JMJD6: variants seen among roughly 807,000 people sequenced by gnomAD.
JMJD6 encodes jumonji domain containing 6, arginine demethylase and lysine hydroxylase.
Under a neutral mutation model 45.8 loss-of-function variants are expected in JMJD6, and 17 were observed. That is an observed-to-expected ratio of 0.37 (90% confidence interval 0.25 to 0.56). The LOEUF (loss-of-function observed/expected upper bound fraction) is 0.56. JMJD6 is among the 20% of genes least tolerant of loss of function. The probability of loss-of-function intolerance (pLI) is 0.79; values close to 1 mark genes in which losing one functional copy is unlikely to be tolerated. For missense variants in JMJD6, 470 were observed against 517.5 expected (o/e 0.91, Z 0.89); for synonymous variants, 221 against 196.3 (o/e 1.13, Z -1.05).
Position 76,726,550 on chromosome 17 carries a change from G to A in JMJD6, c.-75C>T. 2.0e-6 allele frequency: 3 copies of A among 1,500,690 alleles called. No individual in the cohort carries two copies. The highest frequency in any genetic ancestry group is 2.5e-5 in the East Asian group (1 of 39,744). The allele number at this position is 1,500,690 out of a possible 1,614,324, so 93.0% of individuals were successfully genotyped here. On this transcript the variant is annotated 5_prime_UTR_variant, in exon 1 of 6. Transcript: ENST00000397625. ...CCTGACACTAACGCACCCCTCCCCG[G>A]CCTGGGCGGCGGCGACGGCAGTACC...
At chr17:76,721,617 C>T (rs1053119746) in intron 4 of JMJD6, among the ~76,000 whole-genome samples, 181 bp downstream of exon 4, 8 of 152,132 alleles carry the variant, frequency 5.3e-5, no homozygotes, top group Non-Finnish European at 1.2e-4. Flanking sequence ...TCGAGGCTGG[C>T]GAACACCCTG....
chr17:76,717,473 A>C (rs2143717576), downstream of JMJD6, among the ~76,000 whole-genome samples: 1 of 152,352 alleles, frequency 6.6e-6, no homozygotes, highest in Middle Eastern at 3.4e-3. Flanking sequence ...TGAGCCTGTT[A>C]CATGCCCAGG....
rs1385063691 is a variant in JMJD6 at position 76,724,026 on chromosome 17, G to C, written c.551C>G (p.Thr184Ser). Residue 184 changes from threonine to serine, a missense_variant, in exon 3 of 6, where the codon ACT becomes AGT. By Grantham distance (58) the Thr-to-Ser change is moderately conservative (BLOSUM62 1). This residue lies in a region of JMJD6 where 346 missense variants were observed against 339.5 expected (regional missense o/e 1.02). Coordinates refer to ENST00000397625, the MANE Select transcript of JMJD6 (RefSeq NM_015167.3). Reference sequence around the variant, plus strand: ...TCCCAGAGGGTCGATGTGAATCCCAGTTCCGGAGCGTGGTGGCCCCATCAC... The same window carrying C: ...TCCCAGAGGGTCGATGTGAATCCCACTTCCGGAGCGTGGTGGCCCCATCAC... ...WFVMGPPRSG[T>S]GIHIDPLGTS... 5.6e-6 allele frequency: 9 copies of C among 1,614,144 alleles called. No homozygotes were observed. The highest frequency in any genetic ancestry group is 7.6e-6 in the Non-Finnish European group (9 of 1,180,030).
chr17:76,725,736 C>G lies in JMJD6; in HGVS notation c.249G>C (p.Glu83Asp). The change falls in exon 2 of 6, where the codon GAG becomes GAC. Residue 83 changes from glutamate (E) to aspartate (D), a missense_variant. Coordinates refer to ENST00000397625, the MANE Select transcript of JMJD6 (RefSeq NM_015167.3). The stretch of plus-strand genomic sequence containing the variant: ...TTTTTAGGCGCTCCAGAGTCCATTT[C>G]TCCTGCGCAGACCAGCCCTCTTGCG... ...LNAQEGWSAQ[E>D]KWTLERLKRK... is the part of the protein sequence containing the mutation. 2 of 1,614,164 alleles carry G rather than the reference C, an allele frequency of 1.2e-6. No homozygotes were observed. Among genetic ancestry groups the G allele is most frequent in the South Asian group, 2.2e-5 (2 of 91,090 alleles).
intron 4 of JMJD6, 70 bp from the exon 5 acceptor site, chr17:76,720,568 C>A: frequency 6.6e-7 from 1 of 1,524,532 alleles, no homozygotes; most frequent in East Asian, 2.3e-5. Flanking sequence ...CACTCAGAGT[C>A]GAGGCCTGTG....
At chr17:76,714,458 G>A (rs1343732395), downstream of JMJD6, 1 of 152,202 alleles carries the variant, frequency 6.6e-6, no homozygotes, top group African/African-American at 2.4e-5. Flanking sequence ...CTGAACAAGT[G>A]GTCTCTGGGT....
chr17:76,715,168 T>A (rs2076755326), downstream of JMJD6: 1 of 152,156 alleles, frequency 6.6e-6, no homozygotes, highest in Admixed American at 6.6e-5. Context: ...AAAAGCTTTT[T>A]ATAGATGGCA....
intron 2 of JMJD6, 69 bp downstream of exon 2, chr17:76,725,398 C>T (rs2076900139): frequency 7.8e-7 from 1 of 1,274,516 alleles, no homozygotes; most frequent in Middle Eastern, 2.7e-4. Context: ...AAGAGTGACG[C>T]TCTGTCTCAA....
chr17:76,726,484 G>A lies in JMJD6; in HGVS notation c.-9C>T, dbSNP rs752042058. 3 of 1,586,484 alleles carry A rather than the reference G, an allele frequency of 1.9e-6. No individual in the cohort carries two copies. The highest frequency in any genetic ancestry group is 2.4e-5 in the East Asian group (1 of 42,236). The stretch of plus-strand genomic sequence containing the variant: ...TTGCTCTTGTGGTTCATTCTGCGGG[G>A]TCGCCAGCTGGTTCCGCTACGACCT... On this transcript the variant is annotated 5_prime_UTR_variant, in exon 1 of 6. Coordinates refer to ENST00000397625, the MANE Select transcript of JMJD6 (RefSeq NM_015167.3).
rs751792177 is a variant in JMJD6 at position 76,718,823 on chromosome 17, C to A, written c.1118G>T (p.Arg373Leu). The A allele has an allele frequency of 1.2e-6, 2 of 1,614,090 alleles. No homozygotes were observed. The highest frequency in any genetic ancestry group is 1.7e-6 in the Non-Finnish European group (2 of 1,180,040). ...SGSEGDGTVH[R>L]RKKRRTCSMV... is the part of the protein sequence containing the mutation. The stretch of plus-strand genomic sequence containing the variant: ...GCTGCACGTCCTCCTCTTCTTCCTG[C>A]GGTGCACTGTCCCATCGCCCTCGGA... Residue 373 changes from arginine (R) to leucine (L), a missense_variant, in exon 6 of 6, where the codon CGC becomes CTC. Transcript: ENST00000397625.
intron 1 of JMJD6, 97 bp downstream of exon 1, chr17:76,726,250 G>C (rs1568003764): frequency 1.2e-5 from 17 of 1,424,512 alleles, no homozygotes; most frequent in Non-Finnish European, 1.6e-5. Context: ...CGAGGTCCCG[G>C]GCGCTCGGGG....
intron 3 of JMJD6, among the ~76,000 whole-genome samples, chr17:76,722,981 C>G (rs1427520283): frequency 3.3e-5 from 4 of 120,632 alleles, no homozygotes; most frequent in Non-Finnish European, 4.8e-5. Context: ...GAGTTTTGCT[C>G]TGTCACCCAG....
In JMJD6 at chr17:76,720,789, A is replaced by C. The variant is rs144316523; in HGVS notation, c.942-291T>G. Among the ~76,000 whole-genome samples the C allele has an allele frequency of 4.7e-3, 719 of 152,206 alleles. 3 individuals are homozygous for C. Among genetic ancestry groups the C allele is most frequent in the Non-Finnish European group, 6.9e-3 (467 of 67,996 alleles). ...CAATACACGAGGCACAATTTTCCTT[A>C]AGTTAGTCTTAGTTTTATTCCCTTA... On this transcript the variant is annotated intron_variant, in intron 4 of 5. Coordinates refer to ENST00000397625, the MANE Select transcript of JMJD6 (RefSeq NM_015167.3).
chr17:76,717,728 C>T (rs878921354), downstream of JMJD6, among the ~76,000 whole-genome samples: 1 of 151,524 alleles, frequency 6.6e-6, no homozygotes, highest in Non-Finnish European at 1.5e-5. Flanking sequence ...TGGTGGCTCA[C>T]ATCTGTAATA....
At chr17:76,723,521 A>G (rs996702213) in intron 3 of JMJD6, among the ~76,000 whole-genome samples, 2 of 151,242 alleles carry the variant, frequency 1.3e-5, no homozygotes, top group Admixed American at 6.6e-5. Context: ...ACTCACTGCA[A>G]CCTTCGCCAC....
downstream of JMJD6, chr17:76,716,625 G>GAGTTGGGTGGCT: frequency 6.7e-7 from 1 of 1,501,628 alleles, no homozygotes; most frequent in Middle Eastern, 1.7e-4. Context: ...TGCGAGAACT[G>GAGTTGGGTGGCT]AGTTGGGTGG....
At chr17:76,716,325 G>A (rs2076763816), downstream of JMJD6, 1 of 231,282 alleles carries the variant, frequency 4.3e-6, no homozygotes, top group East Asian at 1.1e-4. Context: ...AGCTGGCTCT[G>A]TGGAAACTCC....
intron 3 of JMJD6, among the ~76,000 whole-genome samples, chr17:76,723,339 G>A (rs1246927540): frequency 1.3e-5 from 2 of 152,158 alleles, no homozygotes; most frequent in Non-Finnish European, 2.9e-5. Flanking sequence ...TGTCAGAGGT[G>A]AGTACCAGTT....
chr17:76,720,669 G>A, intron 4 of JMJD6, 171 bp from the exon 5 acceptor site: 1 of 606,338 alleles, frequency 1.6e-6, no homozygotes, highest in Non-Finnish European at 2.9e-6. Flanking sequence ...GGGAACAAGA[G>A]AAACCCAATA....
Sources: gnomAD v4.1 joint callset for allele counts (sites outside exome capture counted in the v4.1 genomes callset) on GRCh38, gnomAD v4.1.1 for gene constraint, gnomAD v4.1.1 regional missense constraint, MANE v1.5 for transcripts, NCBI Gene and HGNC (gene_info 2026-07-23, HGNC 2026-07-21) for gene names.